Variants in DACH1 observed in about 807,000 individuals in gnomAD.
DACH1 encodes the protein dachshund family transcription factor 1.
In DACH1, 12 loss-of-function variants were observed where a neutral mutation model predicts 54.2. The ratio of observed to expected loss-of-function variants is 0.22; its 90% CI spans 0.14 to 0.36. The LOEUF is 0.36. Ranked by LOEUF, DACH1 falls within the 10% of genes least tolerant of loss-of-function variation. DACH1 has a pLI of 1.00. For synonymous variants in DACH1, 386 were observed against 366.2 expected, an observed-to-expected ratio of 1.05 and a Z score of -0.62; for missense variants, 805 against 929.8, an observed-to-expected ratio of 0.87 and a Z score of 1.75.
rs79896592 is a variant in DACH1, at chr13:71,534,557, T to C, written c.1570+22467A>G. Among the ~76,000 whole-genome samples, 464 of 151,848 alleles carry C rather than the reference T, an allele frequency of 3.1e-3. 3 individuals carry two copies. The highest frequency in any genetic ancestry group is 4.9e-3 in the Admixed American group (74 of 15,220). ...ACTTTTAGTTTTTAAGAGTAGACAA[T>C]GTTTTGATGATGCCCAAAGTGAGCA... On this transcript the variant is annotated intron_variant, in intron 6 of 10. Transcript: ENST00000613252.
intron 6 of DACH1, among the ~76,000 whole-genome samples, chr13:71,533,700 T>C (rs1593848909): frequency 6.6e-6 from 1 of 152,000 alleles, no homozygotes; most frequent in Non-Finnish European, 1.5e-5. Flanking sequence ...TTTCTCTTTG[T>C]CTCTGTCTCT....
chr13:71,704,274 C>A (rs946030364), intron 1 of DACH1: 7 of 268,596 alleles, frequency 2.6e-5, no homozygotes, highest in African/African-American at 1.4e-4. Flanking sequence ...CACGAATATG[C>A]AAATCTGTAA....
At chr13:71,535,813 A>AT (rs914748583) in intron 6 of DACH1, among the ~76,000 whole-genome samples, 10 of 151,934 alleles carry the variant, frequency 6.6e-5, no homozygotes, top group Non-Finnish European at 1.2e-4. Flanking sequence ...ATCTTATATG[A>AT]TTTTTTTTAA....
chr13:71,494,242 C>T (rs1229314754), intron 6 of DACH1, among the ~76,000 whole-genome samples: 4 of 152,054 alleles, frequency 2.6e-5, no homozygotes, highest in African/African-American at 9.7e-5. Flanking sequence ...AAAACCACTG[C>T]AATTTTGATA....
At chr13:71,834,646 A>C (rs75181618) in intron 1 of DACH1, among the ~76,000 whole-genome samples, 12,422 of 151,934 alleles carry the variant, frequency 0.082, 1,564 homozygotes, top group African/African-American at 0.27. Context: ...ATGTTTGACC[A>C]ATTCTCTCAT....
intron 1 of DACH1, among the ~76,000 whole-genome samples, chr13:71,855,383 T>G (rs999087639): frequency 2.6e-5 from 4 of 152,012 alleles, no homozygotes; most frequent in Admixed American, 1.3e-4. Context: ...TGAGAGCAAG[T>G]CTTTCTATAT....
At chr13:71,761,618 A>T (rs1470072356) in intron 1 of DACH1, among the ~76,000 whole-genome samples, 2 of 152,140 alleles carry the variant, frequency 1.3e-5, no homozygotes, top group African/African-American at 2.4e-5. Context: ...GTGCGTACAC[A>T]TCATCTGGGG....
chr13:71,683,081 T>C (rs934858381), intron 1 of DACH1, among the ~76,000 whole-genome samples: 15 of 152,126 alleles, frequency 9.9e-5, no homozygotes, highest in African/African-American at 3.6e-4. Flanking sequence ...CTATTTAATT[T>C]AGGTAGGTAA....
rs151258252 is a variant in DACH1, at chr13:71,858,892, CCTCTCT to C, written c.848+7024_848+7029del. Among the ~76,000 whole-genome samples, 10 of 142,246 alleles carry C rather than the reference CCTCTCT, an allele frequency of 7.0e-5. No homozygotes were observed. The South Asian group carries it at 1.6e-3, about 23-fold the overall frequency. 93.3% of individuals were successfully genotyped at this position (142,246 alleles called of 152,430 possible). The stretch of plus-strand genomic sequence containing the variant: ...CACTCTCTCTCTCTGCCTCTCTCTG[CCTCTCT>C]CTCTCTCTCTCTCTCTCTGTATCTC... On this transcript the variant is annotated intron_variant, in intron 1 of 10. Coordinates refer to ENST00000613252, the MANE Select transcript of DACH1 (RefSeq NM_080759.6).
intron 1 of DACH1, among the ~76,000 whole-genome samples, chr13:71,857,909 A>G (rs1258826279): frequency 2.0e-5 from 3 of 151,746 alleles, no homozygotes; most frequent in Non-Finnish European, 3.0e-5. Context: ...TACTTTGTTC[A>G]TACATAAACA....
chr13:71,620,024 C>T (rs1876104868), intron 3 of DACH1, among the ~76,000 whole-genome samples: 1 of 151,792 alleles, frequency 6.6e-6, no homozygotes, highest in South Asian at 2.1e-4. Context: ...CTGTAGGAGG[C>T]TGAGATTCAG....
chr13:71,600,225 CCCAAGGCAA>C (rs574979743), intron 3 of DACH1, among the ~76,000 whole-genome samples: 2 of 152,036 alleles, frequency 1.3e-5, no homozygotes. Context: ...CAGTAGCTTG[CCCAAGGCAA>C]GACAACTTTC....
At chr13:71,558,667 A>T (rs1049968542) in intron 5 of DACH1, among the ~76,000 whole-genome samples, 2 of 152,052 alleles carry the variant, frequency 1.3e-5, no homozygotes, top group Non-Finnish European at 2.9e-5. Flanking sequence ...AAACTGTTTT[A>T]AAATTGTATA....
chr13:71,647,753 G>A (rs377126820), intron 2 of DACH1, among the ~76,000 whole-genome samples: 1 of 152,120 alleles, frequency 6.6e-6, no homozygotes, highest in Non-Finnish European at 1.5e-5. Context: ...GGTTGTTATT[G>A]TGGAGCAACT....
intron 1 of DACH1, among the ~76,000 whole-genome samples, chr13:71,763,930 C>T (rs1885507326): frequency 6.6e-6 from 1 of 152,200 alleles, no homozygotes; most frequent in Admixed American, 6.5e-5. Context: ...TGTTGCAAAA[C>T]ATTTTATTCA....
intron 1 of DACH1, among the ~76,000 whole-genome samples, chr13:71,821,587 A>G (rs995684247): frequency 5.9e-5 from 9 of 152,144 alleles, no homozygotes; most frequent in African/African-American, 2.2e-4. Flanking sequence ...TAATGCCTAC[A>G]TTAGTTATAT....
chr13:71,639,539 G>GAT (rs1877742670), intron 2 of DACH1, among the ~76,000 whole-genome samples: 2 of 152,048 alleles, frequency 1.3e-5, no homozygotes, highest in South Asian at 4.1e-4. Flanking sequence ...CTAATTTGGA[G>GAT]ATATATACAG....
rs866831670 is a variant in DACH1 at position 71,862,007 on chromosome 13, C to T, written c.848+3915G>A. 2.7e-5 allele frequency among the ~76,000 whole-genome samples: 4 copies of T among 150,716 alleles called. No individual in the cohort carries two copies. The Middle Eastern group carries it at 0.01, about 384-fold the overall frequency. On this transcript the variant is annotated intron_variant, in intron 1 of 10. Coordinates refer to ENST00000613252, the MANE Select transcript of DACH1 (RefSeq NM_080759.6). ...TATATTACTACTGAAACATAAAACA[C>T]TTTCAATATTTTGTCCATGGATGGT... is the stretch of plus-strand genomic sequence containing the variant.
intron 2 of DACH1, among the ~76,000 whole-genome samples, chr13:71,641,629 T>C (rs1877905486): frequency 6.6e-6 from 1 of 152,112 alleles, no homozygotes; most frequent in Non-Finnish European, 1.5e-5. Context: ...CATAGTGCCA[T>C]GTGATAAGGA....
Sources: gnomAD v4.1 joint callset for allele counts (sites outside exome capture counted in the v4.1 genomes callset) on GRCh38, gnomAD v4.1.1 for gene constraint, MANE v1.5 for transcripts, NCBI Gene and HGNC (gene_info 2026-07-23, HGNC 2026-07-21) for gene names.